MAF: variants seen among roughly 807,000 people sequenced by gnomAD.
MAF encodes the protein transcription factor Maf.
In MAF, 10 loss-of-function variants were observed where a neutral mutation model predicts 22.0. The ratio of observed to expected loss-of-function variants is 0.45; its 90% CI spans 0.28 to 0.77. MAF has a LOEUF of 0.77. MAF is among the 30% of genes least tolerant of loss of function. The probability of loss-of-function intolerance (pLI) is 0.12; values close to 1 mark genes in which losing one functional copy is unlikely to be tolerated. For synonymous variants in MAF, 337 were observed against 255.8 expected (o/e 1.32, Z -3.03); for missense variants, 544 against 548.4 (o/e 0.99, Z 0.08).
At chr16:79,300,838 T>C in the MAF span, among the ~76,000 whole-genome samples, 13 of 152,096 alleles carry the variant, frequency 8.5e-5, no homozygotes, top group Non-Finnish European at 2.9e-5. Flanking sequence ...TATTCAGAAG[T>C]CCATTGTATT....
At chr16:79,229,892 G>C in the MAF span, among the ~76,000 whole-genome samples, 1 of 151,962 alleles carries the variant, frequency 6.6e-6, no homozygotes, top group African/African-American at 2.4e-5. Context: ...GGCAGCCTGT[G>C]TATTAATTTA....
the MAF span, among the ~76,000 whole-genome samples, chr16:79,502,812 A>T: frequency 2.8e-5 from 4 of 142,580 alleles, no homozygotes; most frequent in Admixed American, 7.8e-5. Flanking sequence ...GATTAATTAT[A>T]AAAAAAAACC....
the MAF span, among the ~76,000 whole-genome samples, chr16:79,286,824 A>G: frequency 6.6e-6 from 1 of 152,162 alleles, no homozygotes; most frequent in African/African-American, 2.4e-5. Context: ...GCCTCTGCAC[A>G]AACACCCTCG....
the MAF span, among the ~76,000 whole-genome samples, chr16:79,293,163 G>A: frequency 6.6e-6 from 1 of 151,890 alleles, no homozygotes; most frequent in Non-Finnish European, 1.5e-5. Flanking sequence ...GTTTTCTTGC[G>A]TGAGGTCCAA....
the MAF span, among the ~76,000 whole-genome samples, chr16:79,383,934 C>T: frequency 6.6e-6 from 1 of 152,150 alleles, no homozygotes; most frequent in Non-Finnish European, 1.5e-5. Context: ...GTACAAGATA[C>T]AAAAAGTCCT....
the MAF span, among the ~76,000 whole-genome samples, chr16:79,571,479 T>C: frequency 6.6e-6 from 1 of 151,728 alleles, no homozygotes; most frequent in Non-Finnish European, 1.5e-5. Context: ...CATAATTCTT[T>C]CTAGCCTGGT....
At chr16:79,213,219 C>G in the MAF span, among the ~76,000 whole-genome samples, 1 of 152,096 alleles carries the variant, frequency 6.6e-6, no homozygotes, top group Non-Finnish European at 1.5e-5. Context: ...GTCATTGTTC[C>G]CCCTCCTGAT....
chr16:79,216,213 CGT>C, the MAF span, among the ~76,000 whole-genome samples: 1 of 152,054 alleles, frequency 6.6e-6, no homozygotes, highest in Non-Finnish European at 1.5e-5. Context: ...TATATGTATA[CGT>C]GTCATGTGCA....
chr16:79,324,054 G>A, the MAF span, among the ~76,000 whole-genome samples: 1 of 152,106 alleles, frequency 6.6e-6, no homozygotes, highest in African/African-American at 2.4e-5. Flanking sequence ...TGGACCTTCC[G>A]TGCTTACAAC....
At chr16:79,524,984 G>C in the MAF span, among the ~76,000 whole-genome samples, 2 of 152,152 alleles carry the variant, frequency 1.3e-5, no homozygotes, top group African/African-American at 4.8e-5. Flanking sequence ...ATTTCTAAAT[G>C]AGTGCAAAAC....
chr16:79,531,407 G>A, the MAF span, among the ~76,000 whole-genome samples: 1 of 152,070 alleles, frequency 6.6e-6, no homozygotes, highest in Non-Finnish European at 1.5e-5. Context: ...GGGTGGGGAT[G>A]TTTTCCAGAT....
At chr16:79,544,496 C>T in the MAF span, among the ~76,000 whole-genome samples, 130 of 152,040 alleles carry the variant, frequency 8.6e-4, no homozygotes, top group Non-Finnish European at 1.5e-3. Flanking sequence ...AAATAGCAGC[C>T]GGGCATGGTG....
chr16:79,295,345 T>C, the MAF span, among the ~76,000 whole-genome samples: 3 of 152,270 alleles, frequency 2.0e-5, no homozygotes, highest in East Asian at 5.8e-4. Flanking sequence ...CTCAGAAACT[T>C]TAGCACAGCC....
chr16:79,202,707 A>T, the MAF span: 1 of 152,206 alleles, frequency 6.6e-6, no homozygotes, highest in Non-Finnish European at 1.5e-5. Flanking sequence ...GTTCAAGTAC[A>T]TGCCTTCATA....
chr16:79,595,821 AT>A (rs1441349384), intron 1 of MAF: 7 of 1,057,742 alleles, frequency 6.6e-6, no homozygotes, highest in Non-Finnish European at 8.0e-6. Context: ...ACGGTGAAAT[AT>A]GATTTGATAA....
the MAF span, among the ~76,000 whole-genome samples, chr16:79,208,877 G>A: frequency 6.6e-6 from 1 of 152,188 alleles, no homozygotes; most frequent in African/African-American, 2.4e-5. Flanking sequence ...GTGTGTATGG[G>A]ACCAACAAGA....
At chr16:79,313,478 A>T in the MAF span, among the ~76,000 whole-genome samples, 1 of 152,140 alleles carries the variant, frequency 6.6e-6, no homozygotes, top group South Asian at 2.1e-4. Context: ...AGTAAAGCAG[A>T]TCTGTAAAAA....
chr16:79,328,237 C>A, the MAF span, among the ~76,000 whole-genome samples: 2 of 152,060 alleles, frequency 1.3e-5, no homozygotes, highest in Non-Finnish European at 2.9e-5. Context: ...TGGCCAATAT[C>A]ATCCTCATTA....
chr16:79,263,840 A>G, the MAF span, among the ~76,000 whole-genome samples: 1 of 152,138 alleles, frequency 6.6e-6, no homozygotes, highest in Admixed American at 6.5e-5. Context: ...CAGAACAGGC[A>G]TGAAGCAATC....
Sources: gnomAD v4.1 joint callset for allele counts (sites outside exome capture counted in the v4.1 genomes callset) on GRCh38, gnomAD v4.1.1 for gene constraint, MANE v1.5 for transcripts, NCBI Gene and HGNC (gene_info 2026-07-23, HGNC 2026-07-21) for gene names.